TMTC2: variants seen among roughly 807,000 people sequenced by gnomAD.
TMTC2 encodes transmembrane O-mannosyltransferase targeting cadherins 2.
A neutral mutation model predicts 82.4 loss-of-function variants in TMTC2; 43 were observed. The observed-to-expected ratio is 0.52, with a 90% CI of 0.41 to 0.67. The LOEUF (loss-of-function observed/expected upper bound fraction) is 0.67. Among genes scored for constraint, TMTC2 ranks in the 30% least tolerant of loss-of-function variants. The pLI is 0.00. For synonymous variants in TMTC2, 408 were observed against 381.9 expected (o/e 1.07, Z -0.80); for missense variants, 919 against 1,012.4 (o/e 0.91, Z 1.25).
chr12:83,068,224 C>A (rs1188537807), intron 11 of TMTC2, among the ~76,000 whole-genome samples: 1 of 151,940 alleles, frequency 6.6e-6, no homozygotes, highest in Admixed American at 6.6e-5. Context: ...GTGGAAATAA[C>A]CACTAAGACT....
chr12:82,965,997 G>T, intron 6 of TMTC2: 1 of 525,330 alleles, frequency 1.9e-6, no homozygotes, highest in Non-Finnish European at 3.4e-6. Flanking sequence ...GAGCAATTAT[G>T]GTATGTCAAT....
chr12:82,997,221 CTATA>C (rs1183203782), intron 8 of TMTC2, among the ~76,000 whole-genome samples: 1 of 118,548 alleles, frequency 8.4e-6, no homozygotes, highest in Non-Finnish European at 1.6e-5. Context: ...CTCTCTCTCT[CTATA>C]TATATATATA....
chr12:82,977,644 A>T (rs1398422483), intron 7 of TMTC2, among the ~76,000 whole-genome samples: 1 of 151,852 alleles, frequency 6.6e-6, no homozygotes, highest in Admixed American at 6.6e-5. Flanking sequence ...AGAAAATGAT[A>T]CATATCTCCA....
intron 2 of TMTC2, among the ~76,000 whole-genome samples, chr12:82,861,450 A>G (rs1474223718): frequency 6.6e-6 from 1 of 152,242 alleles, no homozygotes; most frequent in African/African-American, 2.4e-5. Context: ...TTAATCACCA[A>G]AAATGTTACA....
chr12:83,119,554 G>A (rs1351213039), intron 11 of TMTC2, among the ~76,000 whole-genome samples: 2 of 152,118 alleles, frequency 1.3e-5, no homozygotes, highest in East Asian at 3.9e-4. Context: ...GGCTCGTTTT[G>A]TGGGCTATCA....
chr12:82,756,716 T>C (rs964546635), intron 1 of TMTC2, among the ~76,000 whole-genome samples: 2 of 152,170 alleles, frequency 1.3e-5, no homozygotes, highest in Admixed American at 6.6e-5. Context: ...TGATAGTATT[T>C]ATTTATTTAT....
intron 1 of TMTC2, among the ~76,000 whole-genome samples, chr12:82,802,078 A>G (rs992995141): frequency 6.6e-6 from 1 of 152,044 alleles, no homozygotes; most frequent in Non-Finnish European, 1.5e-5. Flanking sequence ...ACTGGGCGCC[A>G]TGGAGCAGGG....
intron 2 of TMTC2, among the ~76,000 whole-genome samples, chr12:82,882,086 G>T (rs1310129755): frequency 7.5e-6 from 1 of 133,658 alleles, no homozygotes; most frequent in Non-Finnish European, 1.5e-5. Flanking sequence ...TGCAAGCTCC[G>T]CCTCCCGGGT....
At chr12:82,813,764 T>C (rs1868531851) in intron 1 of TMTC2, among the ~76,000 whole-genome samples, 1 of 152,132 alleles carries the variant, frequency 6.6e-6, no homozygotes, top group African/African-American at 2.4e-5. Context: ...CTGAGTTTTC[T>C]ATGTACTTAT....
At chr12:83,086,447 T>C (rs894284405) in intron 11 of TMTC2, among the ~76,000 whole-genome samples, 1 of 152,200 alleles carries the variant, frequency 6.6e-6, no homozygotes, top group Non-Finnish European at 1.5e-5. Flanking sequence ...AGCATTCTGT[T>C]CTTGATGGGC....
intron 4 of TMTC2, among the ~76,000 whole-genome samples, chr12:82,957,931 C>T (rs1316099482): frequency 1.3e-5 from 2 of 152,100 alleles, no homozygotes; most frequent in African/African-American, 4.8e-5. Context: ...AGAGTCACAG[C>T]TGAATTCTAC....
chr12:82,826,530 T>C (rs1480396287), intron 1 of TMTC2, among the ~76,000 whole-genome samples: 1 of 152,238 alleles, frequency 6.6e-6, no homozygotes, highest in Non-Finnish European at 1.5e-5. Context: ...TAATTTTGCA[T>C]TTCATTTTGA....
intron 4 of TMTC2, among the ~76,000 whole-genome samples, chr12:82,963,532 A>C: frequency 6.6e-6 from 1 of 151,548 alleles, no homozygotes; most frequent in Non-Finnish European, 1.5e-5. Flanking sequence ...AAAGTTTCAG[A>C]AGTTAGCTAA....
chr12:82,689,532 G>A (rs1182355980), intron 1 of TMTC2, among the ~76,000 whole-genome samples: 1 of 152,186 alleles, frequency 6.6e-6, no homozygotes, highest in Non-Finnish European at 1.5e-5. Flanking sequence ...GTTCATTGCT[G>A]TCTAATCCTT....
intron 1 of TMTC2, among the ~76,000 whole-genome samples, chr12:82,787,226 G>T (rs1487499276): frequency 4.6e-5 from 7 of 151,958 alleles, no homozygotes; most frequent in African/African-American, 1.7e-4. Flanking sequence ...TTTAGATGGT[G>T]TGAGTCTAAT....
At chr12:82,889,215 T>C (rs1873265848) in intron 2 of TMTC2, among the ~76,000 whole-genome samples, 1 of 148,760 alleles carries the variant, frequency 6.7e-6, no homozygotes, top group Non-Finnish European at 1.5e-5. Context: ...AGGCAGAGGC[T>C]GCAGTGAGCC....
intron 1 of TMTC2, among the ~76,000 whole-genome samples, chr12:82,779,367 A>G (rs1877778136): frequency 6.6e-6 from 1 of 152,104 alleles, no homozygotes; most frequent in Non-Finnish European, 1.5e-5. Flanking sequence ...TCAGATAGCA[A>G]ATAAGAATGT....
chr12:83,055,732 GTA>G (rs376302128), intron 10 of TMTC2, among the ~76,000 whole-genome samples: 8 of 148,316 alleles, frequency 5.4e-5, no homozygotes, highest in African/African-American at 1.2e-4. Flanking sequence ...GTGTGTGTGT[GTA>G]TGTGTGTGTG....
intron 4 of TMTC2, among the ~76,000 whole-genome samples, chr12:82,960,532 C>T (rs1392855937): frequency 5.9e-5 from 9 of 151,918 alleles, no homozygotes; most frequent in Non-Finnish European, 1.2e-4. Context: ...GAACAGAAAA[C>T]CAAATACTGC....
Sources: gnomAD v4.1 joint callset for allele counts (sites outside exome capture counted in the v4.1 genomes callset) on GRCh38, gnomAD v4.1.1 for gene constraint, MANE v1.5 for transcripts, NCBI Gene and HGNC (gene_info 2026-07-23, HGNC 2026-07-21) for gene names.